The following TPO variants were observed in gnomAD, a reference collection of about 807,000 sequenced individuals.
TPO encodes thyroid peroxidase.
In TPO, 78 loss-of-function variants were observed where a neutral mutation model predicts 96.9. The ratio of observed to expected loss-of-function variants is 0.81; its 90% CI spans 0.67 to 0.97. The LOEUF (loss-of-function observed/expected upper bound fraction) is 0.97, where lower values mean the gene tolerates loss of function less well. Among genes scored for constraint, TPO ranks in the 50% least tolerant of loss-of-function variants. The pLI is 0.00. For synonymous variants in TPO, 547 were observed against 538.0 expected, an observed-to-expected ratio of 1.02 and a Z score of -0.23; for missense variants, 1,252 against 1,274.8, an observed-to-expected ratio of 0.98 and a Z score of 0.27.
chr2:1,527,761 C>A (rs965864738), intron 15 of TPO, among the ~76,000 whole-genome samples: 8 of 149,146 alleles, frequency 5.4e-5, no homozygotes, highest in Admixed American at 1.3e-4. Flanking sequence ...GCAACCTCCC[C>A]AAATCCCCCC....
chr2:1,441,142 G>T (rs79567737), intron 5 of TPO, among the ~76,000 whole-genome samples: 76 of 151,848 alleles, frequency 5.0e-4, no homozygotes, highest in Non-Finnish European at 9.4e-4. Flanking sequence ...CTGTTTGCAT[G>T]GTGTAGTGAG....
At chr2:1,506,333 G>T (rs1375423379) in intron 14 of TPO, among the ~76,000 whole-genome samples, 5 of 150,648 alleles carry the variant, frequency 3.3e-5, no homozygotes, top group African/African-American at 9.7e-5. Context: ...GAATAGTGCT[G>T]CAATAAACAT....
chr2:1,401,424 G>A (rs912321758), intron 1 of TPO, among the ~76,000 whole-genome samples: 3 of 152,098 alleles, frequency 2.0e-5, no homozygotes, highest in East Asian at 1.9e-4. Flanking sequence ...TAGTAAAGTC[G>A]CTAGTTCTCT....
At chr2:1,433,816 C>T (rs1665277605) in intron 4 of TPO, among the ~76,000 whole-genome samples, 2 of 152,174 alleles carry the variant, frequency 1.3e-5, no homozygotes, top group Admixed American at 6.5e-5. Flanking sequence ...TGGAAAATAG[C>T]CATTTCTCTC....
chr2:1,401,266 G>A (rs749650407), intron 1 of TPO, among the ~76,000 whole-genome samples: 3 of 152,212 alleles, frequency 2.0e-5, no homozygotes, highest in Non-Finnish European at 4.4e-5. Flanking sequence ...TAGAAGACTC[G>A]TGAATTGGGC....
At chr2:1,471,034 A>G (rs923788231) in intron 7 of TPO, among the ~76,000 whole-genome samples, 1 of 152,232 alleles carries the variant, frequency 6.6e-6, no homozygotes, top group Non-Finnish European at 1.5e-5. Context: ...CTTCATAAGC[A>G]GAGTTGTGCT....
intron 1 of TPO, 60 bp from the exon 2 acceptor site, chr2:1,414,348 C>G: frequency 2.7e-6 from 4 of 1,489,140 alleles, no homozygotes; most frequent in Non-Finnish European, 9.3e-7. Context: ...AAGGACACAG[C>G]GGTTCCCATG....
At chr2:1,530,286 C>T (rs1677787780) in intron 15 of TPO, among the ~76,000 whole-genome samples, 1 of 119,430 alleles carries the variant, frequency 8.4e-6, no homozygotes, top group Non-Finnish European at 1.7e-5. Context: ...CTCAAATCCC[C>T]CGCCAGTGTG....
At chr2:1,489,779 T>A (rs1449872726) in intron 10 of TPO, among the ~76,000 whole-genome samples, 1 of 152,252 alleles carries the variant, frequency 6.6e-6, no homozygotes, top group African/African-American at 2.4e-5. Flanking sequence ...TCAGAAGACC[T>A]GGGATTGGAC....
At chr2:1,383,426 T>C (rs567894741) in intron 1 of TPO, among the ~76,000 whole-genome samples, 3 of 152,216 alleles carry the variant, frequency 2.0e-5, no homozygotes, top group Non-Finnish European at 2.9e-5. Context: ...TTTTAACTGG[T>C]GAGAGATGAT....
upstream of TPO, among the ~76,000 whole-genome samples, chr2:1,408,864 G>A (rs1320850149): frequency 6.6e-6 from 1 of 152,146 alleles, no homozygotes; most frequent in Non-Finnish European, 1.5e-5. Context: ...GTGTAATGTC[G>A]AAGTTAGAGC....
Position 1,540,578 on chromosome 2 carries a change from C to G in TPO, c.2619-16C>G. The G allele has an allele frequency of 6.2e-7, 1 of 1,612,716 alleles. No homozygotes were observed. The highest frequency in any genetic ancestry group is 8.5e-7 in the Non-Finnish European group (1 of 1,180,020). The stretch of plus-strand genomic sequence containing the variant: ...GCCGGACCCTCTCCCGATAACTGGA[C>G]ACGTGTCTCCCACAGGACACGCACT... On this transcript the variant is annotated splice_polypyrimidine_tract_variant and intron_variant, in intron 15 of 16. Transcript: ENST00000329066.
At chr2:1,541,102 AATGTGT>A (rs1339504919) in intron 16 of TPO, 2 of 1,199,664 alleles carry the variant, frequency 1.7e-6, no homozygotes, top group African/African-American at 1.6e-5. Flanking sequence ...AGTGTGGAAA[AATGTGT>A]ATGTTTATGT....
chr2:1,523,857 A>T (rs1255381318), intron 15 of TPO, among the ~76,000 whole-genome samples: 1 of 81,582 alleles, frequency 1.2e-5, no homozygotes, highest in Non-Finnish European at 2.2e-5. Context: ...ACTGTGTGTG[A>T]GCTCCCCAAA....
intron 7 of TPO, among the ~76,000 whole-genome samples, chr2:1,460,128 G>A (rs994650232): frequency 5.9e-5 from 9 of 151,986 alleles, no homozygotes; most frequent in Non-Finnish European, 1.3e-4. Flanking sequence ...TAGAGATGGG[G>A]TTTCATCGTG....
At position 1,503,960 on chromosome 2, in the gene TPO, G is replaced by T; in HGVS notation, c.2399G>T (p.Cys800Phe). 1 of 1,614,150 alleles carries T rather than the reference G, an allele frequency of 6.2e-7. No homozygotes were observed. The highest frequency in any genetic ancestry group is 8.5e-7 in the Non-Finnish European group (1 of 1,180,026). ...GTGTGTCTGGCAGATGTGAACGAGT[G>T]TGCAGACGGTGCCCACCCCCCCTGC... ...QPPLCKDVNE[C>F]ADGAHPPCHA... Residue 800 changes from cysteine (C) to phenylalanine (F), a missense_variant, in exon 14 of 17, where the codon TGT (cysteine) becomes TTT (phenylalanine). Physicochemically the swap from Cys to Phe is radical, Grantham distance 205 (BLOSUM62 -2). Coordinates refer to ENST00000329066, the MANE Select transcript of TPO (RefSeq NM_001206744.2).
intron 5 of TPO, among the ~76,000 whole-genome samples, chr2:1,437,098 C>T (rs778772630): frequency 7.2e-5 from 11 of 152,154 alleles, no homozygotes; most frequent in Non-Finnish European, 1.5e-4. Flanking sequence ...AGGTGATATG[C>T]GAGTGAGCCA....
At chr2:1,423,890 G>A (rs1026355739) in intron 3 of TPO, among the ~76,000 whole-genome samples, 10 of 152,218 alleles carry the variant, frequency 6.6e-5, no homozygotes, top group East Asian at 3.9e-4. Context: ...ATAAACTCAC[G>A]CACACTTTAA....
chr2:1,524,918 C>T (rs1385030875), intron 15 of TPO, among the ~76,000 whole-genome samples: 3 of 135,006 alleles, frequency 2.2e-5, no homozygotes, highest in Admixed American at 7.4e-5. Flanking sequence ...CAAATCTCCC[C>T]CGCTGTGTGC....
Sources: gnomAD v4.1 joint callset for allele counts (sites outside exome capture counted in the v4.1 genomes callset) on GRCh38, gnomAD v4.1.1 for gene constraint, MANE v1.5 for transcripts, NCBI Gene and HGNC (gene_info 2026-07-23, HGNC 2026-07-21) for gene names.